CA1: variants seen among roughly 807,000 people sequenced by gnomAD.
CA1 encodes carbonate dehydratase I.
In CA1, 27 loss-of-function variants were observed where a neutral mutation model predicts 28.8. The ratio of observed to expected loss-of-function variants is 0.94; its 90% confidence interval spans 0.69 to 1.29. The LOEUF is 1.29. Ranked by LOEUF, CA1 falls within the 50% of genes most tolerant of loss-of-function variation. CA1 has a pLI of 0.00. For synonymous variants in CA1, 121 were observed against 108.8 expected (o/e 1.11, Z -0.70); for missense variants, 335 against 310.5 (o/e 1.08, Z -0.59).
At chr8:85,330,217 C>CA (rs1222382424) in intron 6 of CA1, among the ~76,000 whole-genome samples, 4 of 152,096 alleles carry the variant, frequency 2.6e-5, no homozygotes, top group Admixed American at 2.6e-4. Context: ...ATTTCAATGG[C>CA]AAAAATCTTT....
At chr8:85,333,192 T>A (rs1585915225) in intron 5 of CA1, among the ~76,000 whole-genome samples, 1 of 152,150 alleles carries the variant, frequency 6.6e-6, no homozygotes, top group East Asian at 1.9e-4. Flanking sequence ...TCTTTCCTGA[T>A]GAGACATTAA....
intron 1 of CA1, among the ~76,000 whole-genome samples, chr8:85,373,214 A>G (rs1279471079): frequency 1.3e-5 from 2 of 152,222 alleles, no homozygotes; most frequent in Non-Finnish European, 2.9e-5. Flanking sequence ...GACGGAAAAG[A>G]CATTAAATGG....
intron 1 of CA1, among the ~76,000 whole-genome samples, chr8:85,372,967 G>C (rs1810284681): frequency 6.6e-6 from 1 of 152,192 alleles, no homozygotes; most frequent in Non-Finnish European, 1.5e-5. Context: ...TGTGATGCTG[G>C]TAATTTGGAT....
At chr8:85,365,985 T>G (rs1809990094) in intron 1 of CA1, among the ~76,000 whole-genome samples, 1 of 152,108 alleles carries the variant, frequency 6.6e-6, no homozygotes, top group Non-Finnish European at 1.5e-5. Flanking sequence ...GTGCAATCAA[T>G]GAAACCCAGT....
intron 4 of CA1, 121 bp from the exon 5 acceptor site, chr8:85,333,741 A>G: frequency 1.5e-6 from 1 of 680,454 alleles, no homozygotes. Context: ...AACTTATGTG[A>G]ACCTTTATCC....
chr8:85,359,860 G>C (rs546596579), intron 1 of CA1, among the ~76,000 whole-genome samples: 2 of 152,286 alleles, frequency 1.3e-5, no homozygotes, highest in Admixed American at 1.3e-4. Flanking sequence ...CAGATACCCT[G>C]AAACCTGAGT....
chr8:85,351,220 A>C (rs1475688402), intron 1 of CA1, among the ~76,000 whole-genome samples: 2 of 152,216 alleles, frequency 1.3e-5, no homozygotes, highest in Non-Finnish European at 2.9e-5. Context: ...TTGACTGTTT[A>C]TGTAGTGGCT....
At chr8:85,330,799 G>A (rs190456323) in intron 6 of CA1, among the ~76,000 whole-genome samples, 4 of 152,130 alleles carry the variant, frequency 2.6e-5, no homozygotes, top group African/African-American at 7.2e-5. Flanking sequence ...GTATTTTTGG[G>A]ATAAACTCTA....
chr8:85,364,804 G>T (rs1280100242), intron 1 of CA1, among the ~76,000 whole-genome samples: 1 of 152,176 alleles, frequency 6.6e-6, no homozygotes. Flanking sequence ...GAATAAATAA[G>T]TTTCAATTTT....
chr8:85,331,328 G>T (rs1220157212), intron 6 of CA1, among the ~76,000 whole-genome samples: 1 of 151,558 alleles, frequency 6.6e-6, no homozygotes, highest in Admixed American at 6.6e-5. Context: ...TATATGTACG[G>T]CTTTTTTTCT....
chr8:85,342,439 A>C (rs1808967325), intron 1 of CA1, among the ~76,000 whole-genome samples: 1 of 152,192 alleles, frequency 6.6e-6, no homozygotes, highest in South Asian at 2.1e-4. Flanking sequence ...TAATTGAGAG[A>C]TGTTGAGGTA....
chr8:85,336,258 T>TA (rs1323079912), intron 4 of CA1, among the ~76,000 whole-genome samples: 1 of 152,164 alleles, frequency 6.6e-6, no homozygotes, highest in East Asian at 1.9e-4. Context: ...AAAGTAAAAT[T>TA]AAAAAGTCAA....
At chr8:85,367,810 A>G (rs1810067316) in intron 1 of CA1, among the ~76,000 whole-genome samples, 2 of 152,200 alleles carry the variant, frequency 1.3e-5, no homozygotes, top group African/African-American at 4.8e-5. Flanking sequence ...GATGTACACA[A>G]GTGATATCTG....
intron 1 of CA1, chr8:85,343,313 C>G (rs958963214): frequency 6.6e-6 from 1 of 152,138 alleles, no homozygotes; most frequent in African/African-American, 2.4e-5. Context: ...ACAAAACTTG[C>G]AAGTGGCTGC....
intron 1 of CA1, among the ~76,000 whole-genome samples, chr8:85,370,513 A>G (rs1042396839): frequency 6.6e-6 from 1 of 152,132 alleles, no homozygotes; most frequent in East Asian, 1.9e-4. Context: ...CTTTATGATC[A>G]CCTTGGATGA....
intron 1 of CA1, among the ~76,000 whole-genome samples, chr8:85,367,184 TA>T (rs1018288071): frequency 5.4e-4 from 82 of 152,078 alleles, no homozygotes; most frequent in African/African-American, 1.8e-3. Flanking sequence ...TTTTAACCAA[TA>T]AAAAAAGTTT....
chr8:85,335,567 T>C (rs1420505193), intron 4 of CA1, among the ~76,000 whole-genome samples: 1 of 152,146 alleles, frequency 6.6e-6, no homozygotes, highest in Non-Finnish European at 1.5e-5. Context: ...CTCAAACCTA[T>C]TGTCTTATAG....
At chr8:85,376,086 T>G (rs904419620) in intron 1 of CA1, among the ~76,000 whole-genome samples, 1 of 152,144 alleles carries the variant, frequency 6.6e-6, no homozygotes, top group Admixed American at 6.5e-5. Context: ...ATCCCAGTAC[T>G]TTGGAAGGTC....
intron 1 of CA1, among the ~76,000 whole-genome samples, chr8:85,375,775 A>G (rs1254064570): frequency 1.3e-5 from 2 of 152,320 alleles, no homozygotes; most frequent in South Asian, 2.1e-4. Context: ...AATTTCAAAA[A>G]TAGAATGGTG....
Sources: gnomAD v4.1 joint callset for allele counts (sites outside exome capture counted in the v4.1 genomes callset) on GRCh38, gnomAD v4.1.1 for gene constraint, MANE v1.5 for transcripts, NCBI Gene and HGNC (gene_info 2026-07-23, HGNC 2026-07-21) for gene names.